Variants in SNX29 observed in about 807,000 individuals in gnomAD.
The protein encoded by SNX29 is sorting nexin-29.
A neutral mutation model predicts 102.1 loss-of-function variants in SNX29; 78 were observed. That is an observed-to-expected ratio of 0.76 (90% CI 0.64 to 0.92). The LOEUF (loss-of-function observed/expected upper bound fraction) is 0.92, where lower values mean the gene tolerates loss of function less well. Among genes scored for constraint, SNX29 ranks in the 40% least tolerant of loss-of-function variants. The pLI, the probability that SNX29 is intolerant of heterozygous loss-of-function variation, is 0.00. For synonymous variants in SNX29, 580 were observed against 414.5 expected (o/e 1.40, Z -4.85); for missense variants, 1,280 against 1,061.7 (o/e 1.21, Z -2.86).
Position 12,574,177 on chromosome 16 carries a change from A to T in SNX29, c.*5548A>T, listed in dbSNP as rs1473018642. 1 of 179,654 alleles carries T rather than the reference A, an allele frequency of 5.6e-6. No homozygotes were observed. The highest frequency in any genetic ancestry group is 1.2e-5 in the Non-Finnish European group (1 of 83,940). The allele number at this position is 179,654 out of a possible 1,614,324, so 11.1% of individuals were successfully genotyped here. A position where few individuals can be genotyped will look rare whatever the true frequency, so the allele number is the denominator to read the frequency against. ...TGTTTAATTTTTTAAGATCTCTTGT[A>T]TTAAAATTTTCTTTTGGAATAAGCT... On this transcript the variant is annotated 3_prime_UTR_variant, in exon 21 of 21. Transcript: ENST00000566228.
rs527378544 is a variant in SNX29, at chr16:12,386,179, C to G, written c.1900-12267C>G. The stretch of plus-strand genomic sequence containing the variant: ...CAGATCCATTTCTGAACTCCTGGAT[C>G]CAAGACCAAGGTCATTCTCATCAAC... On this transcript the variant is annotated intron_variant, in intron 16 of 20. Coordinates refer to ENST00000566228, the MANE Select transcript of SNX29 (RefSeq NM_032167.5). Among the ~76,000 whole-genome samples the G allele has an allele frequency of 6.6e-5, 10 of 152,330 alleles. No individual in the cohort carries two copies. In the South Asian group the frequency reaches 2.1e-3, roughly 32 times the overall value.
At chr16:12,352,463 A>C (rs1442725088) in intron 15 of SNX29, among the ~76,000 whole-genome samples, 1 of 152,188 alleles carries the variant, frequency 6.6e-6, no homozygotes, top group Non-Finnish European at 1.5e-5. Flanking sequence ...ACATGTATAC[A>C]TACGTAACAA....
intron 14 of SNX29, among the ~76,000 whole-genome samples, chr16:12,261,877 T>G (rs893081157): frequency 7.1e-6 from 1 of 141,174 alleles, no homozygotes; most frequent in Non-Finnish European, 1.5e-5. Context: ...GAGTGAGTGT[T>G]TGCTGAGCTC....
At chr16:12,558,053 C>T (rs971743731) in intron 20 of SNX29, among the ~76,000 whole-genome samples, 14 of 152,210 alleles carry the variant, frequency 9.2e-5, no homozygotes, top group Non-Finnish European at 1.6e-4. Context: ...GGGATTACAA[C>T]AGAGACATGA....
intron 16 of SNX29, among the ~76,000 whole-genome samples, chr16:12,369,262 A>G (rs2151373955): frequency 6.6e-6 from 1 of 151,740 alleles, no homozygotes; most frequent in South Asian, 2.1e-4. Context: ...TAGCCTCCCG[A>G]GTAGCTGGGA....
intron 13 of SNX29, among the ~76,000 whole-genome samples, chr16:12,198,480 A>G (rs1406151586): frequency 2.0e-5 from 3 of 152,224 alleles, no homozygotes; most frequent in African/African-American, 7.2e-5. Context: ...AATCACAGAA[A>G]AAACCCAGTC....
intron 20 of SNX29, among the ~76,000 whole-genome samples, chr16:12,564,936 A>T (rs1286459816): frequency 4.2e-4 from 2 of 4,818 alleles, no homozygotes; most frequent in African/African-American, 3.4e-3. Flanking sequence ...CTTGGTGTTA[A>T]AAAAAAAAAA....
In SNX29 at chr16:12,361,183, T is replaced by G. The variant is rs2082289545; in HGVS notation, c.1899+4904T>G. The stretch of plus-strand genomic sequence containing the variant: ...GACCTGTCTCCCAGTGTGAGTGGGG[T>G]AGGTCTTGAAGGTGGGCCAGCCTCT... On this transcript the variant is annotated intron_variant, in intron 16 of 20. Coordinates refer to ENST00000566228, the MANE Select transcript of SNX29 (RefSeq NM_032167.5). Among the ~76,000 whole-genome samples, 5 of 152,012 alleles carry G rather than the reference T, an allele frequency of 3.3e-5. No homozygotes were observed. In the South Asian group the frequency reaches 1.0e-3, roughly 32 times the overall value.
intron 18 of SNX29, among the ~76,000 whole-genome samples, chr16:12,465,582 T>C (rs965324057): frequency 6.6e-6 from 1 of 152,204 alleles, no homozygotes; most frequent in Non-Finnish European, 1.5e-5. Context: ...CTGTTTTTAA[T>C]GACAGCAGCA....
intron 20 of SNX29, among the ~76,000 whole-genome samples, chr16:12,557,059 C>G (rs958136512): frequency 1.4e-5 from 2 of 143,204 alleles, no homozygotes; most frequent in African/African-American, 5.1e-5. Flanking sequence ...GTGGCCCAGG[C>G]TGGCCTCAGA....
rs752134644 is a variant in SNX29 at position 12,192,958 on chromosome 16, T to C, written c.1596-6643T>C. On this transcript the variant is annotated intron_variant, in intron 13 of 20. Transcript: ENST00000566228. ...CTCAGGTGATCCACCTGCCTCGGCC[T>C]CCCAAAGTGCTGGGATTACAGGCGT... Among the ~76,000 whole-genome samples, 116 of 152,292 alleles carry C rather than the reference T, an allele frequency of 7.6e-4. 1 individual carries two copies. Among genetic ancestry groups the C allele is most frequent in the Middle Eastern group, 3.4e-3 (1 of 294 alleles).
In SNX29 at chr16:12,220,480, C is replaced by G. The variant is rs183560256; in HGVS notation, c.1678+20797C>G. Among the ~76,000 whole-genome samples the G allele has an allele frequency of 3.7e-3, 559 of 152,124 alleles. 4 individuals are homozygous for G. The highest frequency in any genetic ancestry group is 0.013 in the African/African-American group (532 of 41,486). ...AAGCAGGCAGACTCTGCGTGACCTG[C>G]TATGAGGCTGTGATTTTATCCTCAG... On this transcript the variant is annotated intron_variant, in intron 14 of 20. Coordinates refer to ENST00000566228, the MANE Select transcript of SNX29 (RefSeq NM_032167.5).
rs576211519 is a variant in SNX29, at chr16:12,037,063, C to A, written c.248-5834C>A. ...CGCTACATTATGGGGTGGAAAATGG[C>A]CCCAAGTAGCTCCAGGTTTCCAGGA... On this transcript the variant is annotated intron_variant, in intron 4 of 20. Coordinates refer to ENST00000566228, the MANE Select transcript of SNX29 (RefSeq NM_032167.5). Among the ~76,000 whole-genome samples the A allele has an allele frequency of 5.9e-5, 9 of 152,128 alleles. No homozygotes were observed. In the East Asian group the frequency reaches 1.5e-3, roughly 26 times the overall value.
At chr16:12,061,422 G>A (rs2050769717) in intron 8 of SNX29, 106 bp from the exon 9 acceptor site, 2 of 865,982 alleles carry the variant, frequency 2.3e-6, no homozygotes, top group Non-Finnish European at 3.7e-6. Context: ...TCTCAGCCCT[G>A]CCTTGGCCTG....
intron 11 of SNX29, among the ~76,000 whole-genome samples, chr16:12,097,855 T>G (rs2052835602): frequency 6.6e-6 from 1 of 152,214 alleles, no homozygotes; most frequent in South Asian, 2.1e-4. Flanking sequence ...CAGCTCAGTT[T>G]GTAAAGTTGG....
chr16:12,492,581 T>G (rs1297102082), intron 19 of SNX29, among the ~76,000 whole-genome samples: 1 of 152,174 alleles, frequency 6.6e-6, no homozygotes, highest in Non-Finnish European at 1.5e-5. Context: ...TTGCTTTTGG[T>G]GTTTTAGACA....
At chr16:12,408,158 A>AAAG (rs2084245896) in intron 18 of SNX29, among the ~76,000 whole-genome samples, 18 of 45,476 alleles carry the variant, frequency 4.0e-4, no homozygotes, top group Admixed American at 3.8e-3. Flanking sequence ...GACCCTTCTC[A>AAAG]AAAAAACAAA....
chr16:12,397,338 A>T (rs2083758759), intron 16 of SNX29, among the ~76,000 whole-genome samples: 1 of 152,152 alleles, frequency 6.6e-6, no homozygotes, highest in Admixed American at 6.5e-5. Flanking sequence ...TATAGCAGAA[A>T]AGCTTTGAAG....
In SNX29 at chr16:12,569,508, C is replaced by T. The variant is rs747439574; in HGVS notation, c.*879C>T. Reference sequence around the variant, plus strand: ...GCAGAAGGTTCCAGGGTTTTCAAACCAGGCTCCATGACTATGAAGTTGGAC... The same window carrying T: ...GCAGAAGGTTCCAGGGTTTTCAAACTAGGCTCCATGACTATGAAGTTGGAC... On this transcript the variant is annotated 3_prime_UTR_variant, in exon 21 of 21. Transcript: ENST00000566228. 1.3e-5 allele frequency: 3 copies of T among 231,658 alleles called. No homozygotes were observed. The highest frequency in any genetic ancestry group is 1.8e-4 in the South Asian group (1 of 5,522). 14.4% of individuals were successfully genotyped at this position (231,658 alleles called of 1,614,324 possible).
Sources: gnomAD v4.1 joint callset for allele counts (sites outside exome capture counted in the v4.1 genomes callset) on GRCh38, gnomAD v4.1.1 for gene constraint, MANE v1.5 for transcripts, NCBI Gene and HGNC (gene_info 2026-07-23, HGNC 2026-07-21) for gene names.